Variants in UBA6 observed in about 807,000 individuals in gnomAD.
The protein encoded by UBA6 is ubiquitin like modifier activating enzyme 6.
In UBA6, 87 loss-of-function variants were observed where a neutral mutation model predicts 148.3. The observed-to-expected ratio is 0.59, with a 90% CI of 0.49 to 0.70. UBA6 has a LOEUF of 0.70. Among genes scored for constraint, UBA6 ranks in the 30% least tolerant of loss-of-function variants. The pLI is 0.00. For missense variants in UBA6, 1,186 were observed against 1,241.2 expected (o/e 0.96, Z 0.67); for synonymous variants, 376 against 401.0 (o/e 0.94, Z 0.75).
chr4:67,663,621 G>A (rs764578387), intron 11 of UBA6: 260 of 459,266 alleles, frequency 5.7e-4, no homozygotes, highest in Non-Finnish European at 8.6e-4. Flanking sequence ...TATTGAAATC[G>A]TCTTATAATT....
intron 6 of UBA6, among the ~76,000 whole-genome samples, chr4:67,676,152 T>C (rs1473099754): frequency 6.6e-6 from 1 of 151,254 alleles, no homozygotes; most frequent in Admixed American, 6.6e-5. Flanking sequence ...GCCTCCCGAG[T>C]AGCTGGGATT....
In UBA6 at chr4:67,655,449, TAATGA is replaced by T. The variant is rs1192636783; in HGVS notation, c.1105-6243_1105-6239del. 2.0e-5 allele frequency among the ~76,000 whole-genome samples: 3 copies of T among 152,066 alleles called. No homozygotes were observed. The East Asian group carries it at 5.8e-4, about 29-fold the overall frequency. On this transcript the variant is annotated intron_variant, in intron 13 of 32. Transcript: ENST00000322244. ...TGCTCCTCAATGACTACTGGGTAAATAATGAAATGAAGGTAGAAATAAAGATGTTC... is the reference window on the plus strand; with the variant it reads ...TGCTCCTCAATGACTACTGGGTAAATAATGAAGGTAGAAATAAAGATGTTC...
chr4:67,623,578 A>G (rs1371699227), intron 30 of UBA6, among the ~76,000 whole-genome samples: 2 of 152,162 alleles, frequency 1.3e-5, no homozygotes, highest in African/African-American at 4.8e-5. Flanking sequence ...GGCCACGATA[A>G]ATAATGCCAG....
Position 67,631,850 on chromosome 4 carries a change from T to C in UBA6, c.2194+7A>G, listed in dbSNP as rs749585896. The stretch of plus-strand genomic sequence containing the variant: ...CATTAAAATTTATTCTCAACATTTA[T>C]ACTTACTGCCATCTTTTAATCGTAT... On this transcript the variant is annotated splice_region_variant and intron_variant, in intron 24 of 32. Coordinates refer to ENST00000322244, the MANE Select transcript of UBA6 (RefSeq NM_018227.6). The C allele has an allele frequency of 2.5e-6, 4 of 1,612,086 alleles. No individual in the cohort carries two copies. Among genetic ancestry groups the C allele is most frequent in the East Asian group, 2.2e-5 (1 of 44,802 alleles).
chr4:67,626,210 T>C (rs1728863244), intron 28 of UBA6, 150 bp downstream of exon 28: 1 of 618,618 alleles, frequency 1.6e-6, no homozygotes, highest in South Asian at 1.8e-5. Context: ...CAGTTAAAGA[T>C]GAACACTGAC....
chr4:67,694,998 C>A (rs543714178), intron 2 of UBA6, among the ~76,000 whole-genome samples: 134 of 152,322 alleles, frequency 8.8e-4, no homozygotes, highest in African/African-American at 3.2e-3. Flanking sequence ...CTCAGTAAAG[C>A]AAACTGCAGC....
intron 20 of UBA6, among the ~76,000 whole-genome samples, chr4:67,635,138 T>C (rs1729105978): frequency 6.6e-6 from 1 of 152,160 alleles, no homozygotes; most frequent in Admixed American, 6.5e-5. Context: ...TTTTATGTCT[T>C]TGTTGACAGT....
chr4:67,650,620 AAGAC>A (rs1729530975), intron 13 of UBA6, among the ~76,000 whole-genome samples: 2 of 152,226 alleles, frequency 1.3e-5, no homozygotes, highest in South Asian at 4.1e-4. Context: ...TGTAAGTAGA[AAGAC>A]AGATTGCAAA....
At chr4:67,677,536 A>C in intron 6 of UBA6, 75 bp downstream of exon 6, 1 of 690,966 alleles carries the variant, frequency 1.4e-6, no homozygotes, top group Non-Finnish European at 2.4e-6. Context: ...AGGTTAAATT[A>C]GTTAAACATA....
chr4:67,694,779 C>T lies in UBA6; in HGVS notation c.134+1866G>A, dbSNP rs1730792675. On this transcript the variant is annotated intron_variant, in intron 2 of 32. Coordinates refer to ENST00000322244, the MANE Select transcript of UBA6 (RefSeq NM_018227.6). Reference sequence around the variant, plus strand: ...CCCTAATAATTCACTCTTTTAGTACCCACATAAATTTCTGGCTTCCTGCCC... The same window carrying T: ...CCCTAATAATTCACTCTTTTAGTACTCACATAAATTTCTGGCTTCCTGCCC... 1.3e-5 allele frequency among the ~76,000 whole-genome samples: 2 copies of T among 152,074 alleles called. 1 individual carries two copies. The highest frequency in any genetic ancestry group is 1.3e-4 in the Admixed American group (2 of 15,260).
chr4:67,646,163 C>T (rs760501436), intron 15 of UBA6, 147 bp from the exon 16 acceptor site: 5 of 448,858 alleles, frequency 1.1e-5, no homozygotes, highest in Non-Finnish European at 1.5e-5. Flanking sequence ...AAAGAAAAGC[C>T]TCCATAAAGA....
chr4:67,685,566 C>A (rs1256409850), intron 2 of UBA6, among the ~76,000 whole-genome samples: 2 of 152,034 alleles, frequency 1.3e-5, no homozygotes, highest in East Asian at 3.9e-4. Context: ...TTTGGGGGGC[C>A]AGGAGCAAAT....
chr4:67,633,361 T>C lies in UBA6; in HGVS notation c.2126A>G (p.Lys709Arg). The change falls in exon 23 of 33, where the codon AAA becomes AGA. Residue 709 changes from lysine (K) to arginine (R), a missense_variant. Lys to Arg is a conservative substitution (Grantham distance 26). Transcript: ENST00000322244. The part of the protein sequence containing the change: ...CVELARLKFE[K>R]YFNHKALQLL... ...CATACTTACCTTATGGTTAAAATAT[T>C]TTTCAAACTTTAATCTTGCTAATTC... 1 of 1,599,064 alleles carries C rather than the reference T, an allele frequency of 6.3e-7. No individual in the cohort carries two copies. Among genetic ancestry groups the C allele is most frequent in the Non-Finnish European group, 8.5e-7 (1 of 1,176,244 alleles).
intron 3 of UBA6, among the ~76,000 whole-genome samples, chr4:67,681,867 A>G (rs547891108): frequency 6.6e-6 from 1 of 152,324 alleles, no homozygotes; most frequent in Admixed American, 6.5e-5. Context: ...GTGTGCTTAT[A>G]ATGAATTAAT....
chr4:67,672,811 A>G (rs1258552177), intron 7 of UBA6, among the ~76,000 whole-genome samples: 1 of 152,048 alleles, frequency 6.6e-6, no homozygotes, highest in Non-Finnish European at 1.5e-5. Flanking sequence ...CTTTCTCATT[A>G]CTCGGAGCCC....
intron 32 of UBA6, 66 bp downstream of exon 32, chr4:67,622,765 T>A: frequency 8.8e-7 from 1 of 1,140,276 alleles, no homozygotes; most frequent in South Asian, 1.4e-5. Context: ...TATATTTAAT[T>A]TTTTAGTGTG....
intron 1 of UBA6, among the ~76,000 whole-genome samples, chr4:67,699,653 T>G (rs1215817193): frequency 6.6e-6 from 1 of 152,142 alleles, no homozygotes. Flanking sequence ...CAGACTGGAG[T>G]GCAGTGGCAC....
intron 20 of UBA6, 138 bp from the exon 21 acceptor site, chr4:67,634,656 C>T: frequency 3.7e-6 from 2 of 547,930 alleles, no homozygotes; most frequent in Non-Finnish European, 6.2e-6. Context: ...TATATCTTCT[C>T]TCTCTTAGGC....
chr4:67,694,071 CT>C, intron 2 of UBA6, among the ~76,000 whole-genome samples: 1 of 151,448 alleles, frequency 6.6e-6, no homozygotes, highest in East Asian at 2.0e-4. Flanking sequence ...CAAAAATTAG[CT>C]GGGTGTGGTG....
Sources: allele counts gnomAD v4.1 joint callset (sites outside exome capture counted in the v4.1 genomes callset), GRCh38; gene constraint gnomAD v4.1.1; transcripts MANE v1.5; gene names NCBI Gene and HGNC (gene_info 2026-07-23, HGNC 2026-07-21).